Variants in IGF1 observed in about 807,000 individuals in gnomAD.
The protein encoded by IGF1 is insulin like growth factor 1, also known as insulin-like growth factor 1.
Under a neutral mutation model 13.8 loss-of-function variants are expected in IGF1, and 4 were observed. The ratio of observed to expected loss-of-function variants is 0.29; its 90% CI spans 0.14 to 0.66. The LOEUF (loss-of-function observed/expected upper bound fraction) is 0.66. Ranked by LOEUF, IGF1 falls within the 30% of genes least tolerant of loss-of-function variation. The pLI is 0.78. For synonymous variants in IGF1, 76 were observed against 72.6 expected (o/e 1.05, Z -0.23); for missense variants, 124 against 188.5 (o/e 0.66, Z 2.00).
At chr12:102,421,691 A>G (rs1360347781) in intron 2 of IGF1, among the ~76,000 whole-genome samples, 1 of 152,228 alleles carries the variant, frequency 6.6e-6, no homozygotes, top group Non-Finnish European at 1.5e-5. Context: ...GCTGGTAGGA[A>G]GAGCTCCAGA....
At chr12:102,470,272 G>A (rs1044482536) in intron 2 of IGF1, among the ~76,000 whole-genome samples, 17 of 152,174 alleles carry the variant, frequency 1.1e-4, no homozygotes, top group African/African-American at 3.9e-4. Context: ...TGCAGAGCTG[G>A]GGTTCAAACC....
intron 3 of IGF1, among the ~76,000 whole-genome samples, chr12:102,413,925 A>G (rs1874865122): frequency 1.3e-5 from 2 of 152,110 alleles, no homozygotes. Flanking sequence ...TAGGTCATTG[A>G]GTTCTCTTAT....
intron 2 of IGF1, among the ~76,000 whole-genome samples, chr12:102,467,647 G>C (rs1432192989): frequency 6.6e-6 from 1 of 152,196 alleles, no homozygotes; most frequent in African/African-American, 2.4e-5. Flanking sequence ...GGGAGCAAAA[G>C]TGTTAACCTA....
intron 2 of IGF1, among the ~76,000 whole-genome samples, chr12:102,425,642 A>G (rs751849106): frequency 5.3e-5 from 8 of 152,350 alleles, no homozygotes; most frequent in South Asian, 2.1e-4. Flanking sequence ...AAAGAATGCT[A>G]TTCAGCTCAC....
At chr12:102,459,397 C>A (rs1172324178) in intron 2 of IGF1, among the ~76,000 whole-genome samples, 1 of 152,034 alleles carries the variant, frequency 6.6e-6, no homozygotes, top group African/African-American at 2.4e-5. Context: ...TTGCACATAG[C>A]ACGATCATGG....
chr12:102,459,018 A>G (rs2050842244), intron 2 of IGF1, among the ~76,000 whole-genome samples: 1 of 152,188 alleles, frequency 6.6e-6, no homozygotes, highest in African/African-American at 2.4e-5. Context: ...GAGCAAGGCA[A>G]TAGAGAGTGG....
chr12:102,434,348 G>A (rs1462825198), intron 2 of IGF1, among the ~76,000 whole-genome samples: 2 of 138,754 alleles, frequency 1.4e-5, no homozygotes, highest in Non-Finnish European at 3.0e-5. Flanking sequence ...CCCTTCCTGT[G>A]ACCATGTGAT....
intron 2 of IGF1, among the ~76,000 whole-genome samples, chr12:102,460,426 T>G (rs1446197871): frequency 6.6e-6 from 1 of 152,140 alleles, no homozygotes; most frequent in African/African-American, 2.4e-5. Flanking sequence ...CCTGCAGTTG[T>G]ATGATTGGAA....
intron 2 of IGF1, among the ~76,000 whole-genome samples, chr12:102,437,555 T>C (rs1877352514): frequency 6.6e-6 from 1 of 152,242 alleles, no homozygotes; most frequent in Non-Finnish European, 1.5e-5. Flanking sequence ...CACTTGTATA[T>C]GGAATCTAAA....
intron 2 of IGF1, among the ~76,000 whole-genome samples, chr12:102,472,702 G>C (rs1473413455): frequency 1.3e-5 from 2 of 152,172 alleles, no homozygotes; most frequent in Admixed American, 6.5e-5. Flanking sequence ...TATGTGCTTA[G>C]AGCTGACTTC....
intron 2 of IGF1, among the ~76,000 whole-genome samples, chr12:102,474,526 C>G (rs1205738146): frequency 6.6e-6 from 1 of 152,196 alleles, no homozygotes; most frequent in Non-Finnish European, 1.5e-5. Context: ...CCCTGCCAGT[C>G]ATACACACAC....
chr12:102,469,253 C>A (rs1191478915), intron 2 of IGF1, among the ~76,000 whole-genome samples: 1 of 152,076 alleles, frequency 6.6e-6, no homozygotes, highest in African/African-American at 2.4e-5. Flanking sequence ...CTAATAGCAC[C>A]CCAAGAAAAA....
intron 3 of IGF1, among the ~76,000 whole-genome samples, chr12:102,405,850 CG>C (rs1039580557): frequency 2.0e-5 from 3 of 152,188 alleles, no homozygotes; most frequent in African/African-American, 4.8e-5. Context: ...TTTAAATTAG[CG>C]GGGGGCTATA....
At chr12:102,465,646 A>C (rs1036853794) in intron 2 of IGF1, among the ~76,000 whole-genome samples, 1 of 152,206 alleles carries the variant, frequency 6.6e-6, no homozygotes, top group Non-Finnish European at 1.5e-5. Flanking sequence ...GTTAAGGTCA[A>C]AGACAACTGG....
intron 3 of IGF1, among the ~76,000 whole-genome samples, chr12:102,412,176 CCTCT>C (rs1432836610): frequency 2.0e-5 from 3 of 152,124 alleles, no homozygotes; most frequent in Non-Finnish European, 4.4e-5. Context: ...CCAATAATGT[CCTCT>C]CTATTTCCTG....
chr12:102,419,602 C>T lies in IGF1; in HGVS notation c.309G>A (p.Arg103=), dbSNP rs769266977. The T allele has an allele frequency of 1.2e-6, 2 of 1,613,882 alleles. No individual in the cohort carries two copies. Among genetic ancestry groups the T allele is most frequent in the South Asian group, 1.1e-5 (1 of 91,070 alleles). ...GGGGTGCGCAATACATCTCCAGCCT[C>T]CTTAGATCACAGCTCCGGAAGCAGC... ...DECCFRSCDL[R]RLEMYCAPLK... The change falls in exon 3 of 4, where the codon AGG becomes AGA. Residue 103 remains arginine, a synonymous_variant. Coordinates refer to ENST00000337514, the MANE Select transcript of IGF1 (RefSeq NM_000618.5).
chr12:102,459,859 C>G (rs1879756838), intron 2 of IGF1, among the ~76,000 whole-genome samples: 1 of 152,074 alleles, frequency 6.6e-6, no homozygotes, highest in African/African-American at 2.4e-5. Context: ...TTATATAAAC[C>G]AGCAGCAGTT....
rs1873450533 is a variant in IGF1, at chr12:102,398,948, C to T, written c.*3559G>A. On this transcript the variant is annotated 3_prime_UTR_variant, in exon 4 of 4. Coordinates refer to ENST00000337514, the MANE Select transcript of IGF1 (RefSeq NM_000618.5). Reference sequence around the variant, plus strand: ...TAAAATAGTAACAGAAACCCTGGAGCCACAGAGCATGAGATGGTTTCATCT... The same window carrying T: ...TAAAATAGTAACAGAAACCCTGGAGTCACAGAGCATGAGATGGTTTCATCT... The T allele has an allele frequency of 6.6e-6, 1 of 152,224 alleles. No individual in the cohort carries two copies. Among genetic ancestry groups the T allele is most frequent in the Non-Finnish European group, 1.5e-5 (1 of 67,938 alleles). 9.4% of individuals were successfully genotyped at this position (152,224 alleles called of 1,614,324 possible). A position where few individuals can be genotyped will look rare whatever the true frequency, so the allele number is the denominator to read the frequency against.
At chr12:102,409,692 G>A (rs1240335184) in intron 3 of IGF1, among the ~76,000 whole-genome samples, 1 of 151,984 alleles carries the variant, frequency 6.6e-6, no homozygotes, top group Admixed American at 6.6e-5. Flanking sequence ...CTGCTTGACC[G>A]CTTGTTAGCC....
Sources: allele counts gnomAD v4.1 joint callset (sites outside exome capture counted in the v4.1 genomes callset), GRCh38; gene constraint gnomAD v4.1.1; transcripts MANE v1.5; gene names NCBI Gene and HGNC (gene_info 2026-07-23, HGNC 2026-07-21).